Variants in GALNTL6 observed in about 807,000 individuals in gnomAD.
GALNTL6 encodes the protein polypeptide N-acetylgalactosaminyltransferase like 6, also known as polypeptide N-acetylgalactosaminyltransferase-like 6.
Under a neutral mutation model 73.7 loss-of-function variants are expected in GALNTL6, and 46 were observed. The ratio of observed to expected loss-of-function variants is 0.62; its 90% CI spans 0.49 to 0.80. GALNTL6 has a LOEUF of 0.80. Among genes scored for constraint, GALNTL6 ranks in the 30% least tolerant of loss-of-function variants. The probability of loss-of-function intolerance (pLI) is 0.00; values close to 1 mark genes in which losing one functional copy is unlikely to be tolerated. For synonymous variants in GALNTL6, 259 were observed against 263.7 expected (o/e 0.98, Z 0.17); for missense variants, 604 against 755.0 (o/e 0.80, Z 2.34).
intron 2 of GALNTL6, among the ~76,000 whole-genome samples, chr4:171,879,657 A>G (rs1736382825): frequency 1.3e-5 from 2 of 152,340 alleles, no homozygotes; most frequent in Middle Eastern, 3.4e-3. Context: ...TGTTTAAAAA[A>G]ATGTGCTTCA....
intron 4 of GALNTL6, among the ~76,000 whole-genome samples, chr4:172,329,370 ACTGT>A (rs1741048524): frequency 6.6e-6 from 1 of 152,016 alleles, no homozygotes; most frequent in Admixed American, 6.6e-5. Flanking sequence ...CATGTTACAA[ACTGT>A]CTGGACATTT....
At chr4:171,976,405 A>G (rs1739722737) in intron 2 of GALNTL6, among the ~76,000 whole-genome samples, 1 of 152,202 alleles carries the variant, frequency 6.6e-6, no homozygotes, top group Admixed American at 6.5e-5. Context: ...TATCTCTGCT[A>G]CACCAGAGAA....
At chr4:172,897,686 C>G (rs1746402240) in intron 8 of GALNTL6, among the ~76,000 whole-genome samples, 1 of 152,164 alleles carries the variant, frequency 6.6e-6, no homozygotes, top group African/African-American at 2.4e-5. Flanking sequence ...AAACAAACCT[C>G]CTAGGTCTTG....
intron 4 of GALNTL6, among the ~76,000 whole-genome samples, chr4:172,342,693 G>A (rs980785740): frequency 2.0e-5 from 3 of 152,012 alleles, no homozygotes; most frequent in Non-Finnish European, 4.4e-5. Context: ...ATTAAATTTT[G>A]TCCAACAAGT....
intron 5 of GALNTL6, among the ~76,000 whole-genome samples, chr4:172,481,934 G>C (rs1481714672): frequency 4.6e-5 from 7 of 152,208 alleles, no homozygotes; most frequent in African/African-American, 1.7e-4. Flanking sequence ...CAGGGAGCAG[G>C]GGGCAGTGCC....
At chr4:171,987,901 T>C (rs569322474) in intron 2 of GALNTL6, among the ~76,000 whole-genome samples, 51 of 152,096 alleles carry the variant, frequency 3.4e-4, no homozygotes, top group Non-Finnish European at 6.3e-4. Flanking sequence ...TCAGGAATAA[T>C]GTGGAAGTCG....
intron 5 of GALNTL6, among the ~76,000 whole-genome samples, chr4:172,352,345 T>G (rs1233700902): frequency 6.6e-6 from 1 of 152,160 alleles, no homozygotes; most frequent in African/African-American, 2.4e-5. Flanking sequence ...CTATAAAACA[T>G]GAAGGTAAAG....
intron 5 of GALNTL6, among the ~76,000 whole-genome samples, chr4:172,686,094 G>A (rs1349641762): frequency 6.6e-6 from 1 of 152,164 alleles, no homozygotes; most frequent in Non-Finnish European, 1.5e-5. Flanking sequence ...TGGAGAGTAA[G>A]TTTGGAGAGC....
At chr4:172,302,164 G>A (rs202213918) in intron 3 of GALNTL6, among the ~76,000 whole-genome samples, 1 of 152,174 alleles carries the variant, frequency 6.6e-6, no homozygotes, top group Admixed American at 6.5e-5. Flanking sequence ...AGGACCCTCC[G>A]AGCCAGGCAT....
At chr4:172,400,495 A>G (rs1391025487) in intron 5 of GALNTL6, among the ~76,000 whole-genome samples, 2 of 152,164 alleles carry the variant, frequency 1.3e-5, no homozygotes, top group Non-Finnish European at 2.9e-5. Context: ...AACAACTGTG[A>G]CGTATGTTAA....
chr4:172,945,578 A>G (rs1015300450), intron 9 of GALNTL6, among the ~76,000 whole-genome samples: 1 of 152,228 alleles, frequency 6.6e-6, no homozygotes, highest in African/African-American at 2.4e-5. Context: ...CATAAACACC[A>G]CCATAGATAT....
intron 3 of GALNTL6, 143 bp downstream of exon 3, chr4:172,229,907 C>T (rs1280544703): frequency 3.5e-6 from 2 of 569,396 alleles, no homozygotes; most frequent in African/African-American, 3.8e-5. Flanking sequence ...TGGACAGAAC[C>T]TAAATGACTT....
At chr4:172,167,897 T>A (rs965387898) in intron 2 of GALNTL6, among the ~76,000 whole-genome samples, 8 of 147,876 alleles carry the variant, frequency 5.4e-5, no homozygotes, top group Non-Finnish European at 1.2e-4. Flanking sequence ...AAGCGGAGCT[T>A]GCAGTGAGCC....
intron 5 of GALNTL6, among the ~76,000 whole-genome samples, chr4:172,572,191 G>A (rs1310529344): frequency 6.6e-6 from 1 of 152,086 alleles, no homozygotes; most frequent in Non-Finnish European, 1.5e-5. Flanking sequence ...GATGCGGACT[G>A]CAGTCACAGT....
chr4:172,654,585 C>T (rs1358250336), intron 5 of GALNTL6, among the ~76,000 whole-genome samples: 1 of 152,152 alleles, frequency 6.6e-6, no homozygotes, highest in Non-Finnish European at 1.5e-5. Context: ...TTTTGAACGT[C>T]AGAAATTCCT....
At chr4:171,901,320 A>G (rs1050214620) in intron 2 of GALNTL6, among the ~76,000 whole-genome samples, 1 of 152,164 alleles carries the variant, frequency 6.6e-6, no homozygotes, top group African/African-American at 2.4e-5. Flanking sequence ...CATATGCGGT[A>G]GCTGGGCATT....
chr4:172,357,634 TACACACACAC>T (rs5864129), intron 5 of GALNTL6, among the ~76,000 whole-genome samples: 27 of 145,834 alleles, frequency 1.9e-4, no homozygotes, highest in South Asian at 6.4e-4. Context: ...TATAGATATA[TACACACACAC>T]ACACACACAC....
intron 2 of GALNTL6, among the ~76,000 whole-genome samples, chr4:172,007,529 A>G (rs1740876842): frequency 6.6e-6 from 1 of 152,170 alleles, no homozygotes; most frequent in Admixed American, 6.6e-5. Context: ...ATCACTGCAA[A>G]TGAATATACA....
chr4:172,471,327 G>A (rs559940595), intron 5 of GALNTL6, among the ~76,000 whole-genome samples: 15 of 152,064 alleles, frequency 9.9e-5, no homozygotes, highest in Non-Finnish European at 2.2e-4. Flanking sequence ...GTATTTTATT[G>A]CAATCAAATG....
Sources: allele counts gnomAD v4.1 joint callset (sites outside exome capture counted in the v4.1 genomes callset), GRCh38; gene constraint gnomAD v4.1.1; transcripts MANE v1.5; gene names NCBI Gene and HGNC (gene_info 2026-07-23, HGNC 2026-07-21).